Variants in TRIM29 observed in about 807,000 individuals in gnomAD.
The protein encoded by TRIM29 is tripartite motif containing 29, also known as tripartite motif-containing protein 29.
A neutral mutation model predicts 57.3 loss-of-function variants in TRIM29; 52 were observed. That is an observed-to-expected ratio of 0.91 (90% CI 0.73 to 1.14). TRIM29 has a LOEUF of 1.14. Among genes scored for constraint, TRIM29 ranks in the 50% most tolerant of loss-of-function variants. The pLI is 0.00. For missense variants in TRIM29, 753 were observed against 774.6 expected, an observed-to-expected ratio of 0.97 and a Z score of 0.33; for synonymous variants, 319 against 316.9, an observed-to-expected ratio of 1.01 and a Z score of -0.07.
intron 1 of TRIM29, among the ~76,000 whole-genome samples, chr11:120,133,691 G>A (rs973987778): frequency 1.1e-4 from 16 of 152,214 alleles, no homozygotes; most frequent in Non-Finnish European, 2.1e-4. Context: ...GCAGACCAGC[G>A]CTGCTCAGAA....
At chr11:120,115,622 G>C (rs552543129) in intron 7 of TRIM29, 3 of 571,710 alleles carry the variant, frequency 5.2e-6, no homozygotes, top group South Asian at 4.1e-5. Flanking sequence ...AGGCAGCAAA[G>C]CAGACAGAAG....
At chr11:120,136,917 A>G (rs916075423) in intron 1 of TRIM29, among the ~76,000 whole-genome samples, 1 of 152,020 alleles carries the variant, frequency 6.6e-6, no homozygotes, top group Non-Finnish European at 1.5e-5. Context: ...GTTGGGTCAT[A>G]CTCTCTAACC....
intron 2 of TRIM29, among the ~76,000 whole-genome samples, chr11:120,127,928 G>A (rs1863630851): frequency 6.6e-6 from 1 of 152,214 alleles, no homozygotes; most frequent in South Asian, 2.1e-4. Context: ...GAATGTATAT[G>A]TAGAAATGTG....
At chr11:120,118,523 C>T (rs1217685916) in intron 6 of TRIM29, among the ~76,000 whole-genome samples, 2 of 152,144 alleles carry the variant, frequency 1.3e-5, no homozygotes, top group Non-Finnish European at 2.9e-5. Context: ...TAGTCTTGTC[C>T]CTGCCCTACC....
intron 4 of TRIM29, 101 bp downstream of exon 4, chr11:120,125,590 G>A (rs1186783601): frequency 7.7e-7 from 1 of 1,301,798 alleles, no homozygotes; most frequent in Non-Finnish European, 1.1e-6. Flanking sequence ...TGGGAACAAT[G>A]AGAAGAAGCT....
At chr11:120,128,820 G>A in intron 1 of TRIM29, 3 of 1,524,758 alleles carry the variant, frequency 2.0e-6, no homozygotes, top group South Asian at 1.2e-5. Context: ...TCATTTACAG[G>A]GTGCTTGCCC....
intron 3 of TRIM29, among the ~76,000 whole-genome samples, chr11:120,127,122 G>A (rs1311966454): frequency 6.6e-6 from 1 of 152,192 alleles, no homozygotes; most frequent in Non-Finnish European, 1.5e-5. Flanking sequence ...CTTGAGAGTA[G>A]GTAAAGAAAT....
Position 120,137,829 on chromosome 11 carries a change from G to T in TRIM29, c.203C>A (p.Ala68Asp), listed in dbSNP as rs199654726. ...CCGCCACTCATTGCCCGCGAACAGG[G>T]CGCTCCTACCTTCCCCTGGCTTCAG... The part of the protein sequence containing the change: ...SALKPGEGRS[A>D]LFAGNEWRRP... Residue 68 changes from alanine (A) to aspartate (D), a missense_variant, in exon 1 of 9, where the codon GCC (alanine) becomes GAC (aspartate). Coordinates refer to ENST00000341846, the MANE Select transcript of TRIM29 (RefSeq NM_012101.4). This position sits in a 1 kb window ranked among gnomAD's most constrained non-coding sequence, Gnocchi z 6.2. 6.2e-7 allele frequency: 1 copy of T among 1,612,542 alleles called. No homozygotes were observed. Among genetic ancestry groups the T allele is most frequent in the Non-Finnish European group, 8.5e-7 (1 of 1,180,034 alleles).
chr11:120,123,280 G>T, intron 4 of TRIM29: 1 of 685,730 alleles, frequency 1.5e-6, no homozygotes, highest in Non-Finnish European at 2.7e-6. Flanking sequence ...CCACCCTCTT[G>T]AACTAAGCCC....
At position 120,130,204 on chromosome 11, in the gene TRIM29, AAGAGTC is replaced by A. The variant is rs1863690837; in HGVS notation, c.805-1715_805-1710del. Among the ~76,000 whole-genome samples, 8 of 152,246 alleles carry A rather than the reference AAGAGTC, an allele frequency of 5.3e-5. No individual in the cohort carries two copies. In the South Asian group the frequency reaches 1.7e-3, roughly 32 times the overall value. ...TGGCAAGCAGATCTGAGCTGTGAGG[AAGAGTC>A]CAAGAGAGTGGACTGGGGGTCTGTC... On this transcript the variant is annotated intron_variant, in intron 1 of 8. Coordinates refer to ENST00000341846, the MANE Select transcript of TRIM29 (RefSeq NM_012101.4).
At chr11:120,121,564 T>C (rs1168135712) in intron 5 of TRIM29, 1 of 156,134 alleles carries the variant, frequency 6.4e-6, no homozygotes, top group Non-Finnish European at 1.4e-5. Flanking sequence ...GTTTCTTCCA[T>C]CACAGACATC....
Position 120,118,283 on chromosome 11 carries a change from T to C in TRIM29, c.1567A>G (p.Ile523Val). 1.2e-6 allele frequency: 2 copies of C among 1,613,968 alleles called. No individual in the cohort carries two copies. Among genetic ancestry groups the C allele is most frequent in the Non-Finnish European group, 1.7e-6 (2 of 1,179,950 alleles). ...GGCAGGTCATTGTCAGAGTTCTGAA[T>C]GCTGGAGGAGTACTCCCAGACCCGG... is the stretch of plus-strand genomic sequence containing the variant. ...TSRVWEYSSSIQNSDNDLPVV... is the reference protein window; with the variant it reads ...TSRVWEYSSSVQNSDNDLPVV... The change falls in exon 7 of 9, where the codon ATT becomes GTT. Residue 523 changes from isoleucine to valine, a missense_variant. Ile to Val is a conservative substitution (Grantham distance 29). Coordinates refer to ENST00000341846, the MANE Select transcript of TRIM29 (RefSeq NM_012101.4).
Position 120,137,811 on chromosome 11 carries a change from T to C in TRIM29, c.221A>G (p.Glu74Gly). 2 of 1,612,610 alleles carry C rather than the reference T, an allele frequency of 1.2e-6. No individual in the cohort carries two copies. Among genetic ancestry groups the C allele is most frequent in the Non-Finnish European group, 1.7e-6 (2 of 1,180,004 alleles). The stretch of plus-strand genomic sequence containing the variant: ...AAACTGGATGATGGGTCGCCGCCAC[T>C]CATTGCCCGCGAACAGGGCGCTCCT... ...EGRSALFAGN[E>G]WRRPIIQFVE... is the part of the protein sequence containing the mutation. Residue 74 changes from glutamate to glycine, a missense_variant, in exon 1 of 9, where the codon GAG becomes GGG. Transcript: ENST00000341846. The surrounding 1 kb of genome is among the most constrained non-coding windows in gnomAD (Gnocchi z 6.2).
Position 120,120,653 on chromosome 11 carries a change from G to A in TRIM29, c.1448C>T (p.Thr483Ile). 3.1e-6 allele frequency: 5 copies of A among 1,613,794 alleles called. No homozygotes were observed. Among genetic ancestry groups the A allele is most frequent in the Non-Finnish European group, 4.2e-6 (5 of 1,179,978 alleles). The change falls in exon 6 of 9, where the codon ACA becomes ATA. Residue 483 changes from threonine to isoleucine, a missense_variant. Physicochemically the swap from Thr to Ile is moderately conservative, Grantham distance 89. Coordinates refer to ENST00000341846, the MANE Select transcript of TRIM29 (RefSeq NM_012101.4). ...GCCAGGAGACGAGGGCTGGTATGATGTCCGGACCCCACCTGTGAAGCAGAT... is the reference window on the plus strand; with the variant it reads ...GCCAGGAGACGAGGGCTGGTATGATATCCGGACCCCACCTGTGAAGCAGAT... ...MYLTPKGGVR[T>I]SYQPSSPGRF...
At chr11:120,120,498 A>G (rs1351155583) in intron 6 of TRIM29, 75 bp downstream of exon 6, 3 of 1,379,404 alleles carry the variant, frequency 2.2e-6, no homozygotes, top group African/African-American at 2.9e-5. Flanking sequence ...GTGCCCCTGG[A>G]CCCACCTCTA....
intron 1 of TRIM29, among the ~76,000 whole-genome samples, chr11:120,136,819 G>A (rs201883283): frequency 6.8e-6 from 1 of 147,800 alleles, no homozygotes; most frequent in Non-Finnish European, 1.5e-5. Context: ...AGAAGAAGAA[G>A]AGGAGGAAGA....
chr11:120,118,420 C>T (rs1863341287), intron 6 of TRIM29, 99 bp from the exon 7 acceptor site: 5 of 860,726 alleles, frequency 5.8e-6, no homozygotes, highest in Non-Finnish European at 7.2e-6. Flanking sequence ...TAGCCGCTGG[C>T]CACAACTTAA....
chr11:120,127,780 A>G (rs1863625836), intron 2 of TRIM29, among the ~76,000 whole-genome samples: 1 of 151,584 alleles, frequency 6.6e-6, no homozygotes, highest in African/African-American at 2.4e-5. Context: ...TTCACAGTCC[A>G]CGCTTCTTAT....
Position 120,137,579 on chromosome 11 carries a change from G to A in TRIM29, c.453C>T (p.Asn151=), listed in dbSNP as rs752882679. The A allele has an allele frequency of 6.8e-6, 11 of 1,612,644 alleles. No homozygotes were observed. The highest frequency in any genetic ancestry group is 6.7e-5 in the Admixed American group (4 of 60,004). Residue 151 remains asparagine (N), a synonymous_variant, in exon 1 of 9, where the codon AAC becomes AAT. Coordinates refer to ENST00000341846, the MANE Select transcript of TRIM29 (RefSeq NM_012101.4). This position sits in a 1 kb window ranked among gnomAD's most constrained non-coding sequence, Gnocchi z 6.2. The stretch of plus-strand genomic sequence containing the variant: ...GGCCCGTGTCGGCCCGGGGGTAGCT[G>A]TTCCGCCGGGTCTCCCCGGGCTCCA... ...SIMEPGETRR[N]SYPRADTGLF... is the part of the protein sequence containing the mutation.
Sources: gnomAD v4.1 joint callset for allele counts (sites outside exome capture counted in the v4.1 genomes callset) on GRCh38, gnomAD v4.1.1 for gene constraint, Gnocchi (gnomAD v3.1) non-coding constraint, MANE v1.5 for transcripts, NCBI Gene and HGNC (gene_info 2026-07-23, HGNC 2026-07-21) for gene names.